Variants in STOX2 observed in about 807,000 individuals in gnomAD.
STOX2 encodes storkhead-box protein 2.
Under a neutral mutation model 60.9 loss-of-function variants are expected in STOX2, and 28 were observed. The observed-to-expected ratio is 0.46, with a 90% CI of 0.34 to 0.63. The LOEUF is 0.63. Ranked by LOEUF, STOX2 falls within the 30% of genes least tolerant of loss-of-function variation. The pLI, the probability that STOX2 is intolerant of heterozygous loss-of-function variation, is 0.01. For synonymous variants in STOX2, 472 were observed against 463.9 expected (o/e 1.02, Z -0.22); for missense variants, 1,024 against 1,187.7 (o/e 0.86, Z 2.03).
rs752683202 is a variant in STOX2 at position 184,009,128 on chromosome 4, C to T, written c.320-30C>T. The T allele has an allele frequency of 8.8e-6, 12 of 1,361,030 alleles. No homozygotes were observed. Among genetic ancestry groups the T allele is most frequent in the Non-Finnish European group, 1.2e-5 (12 of 1,009,350 alleles). 84.3% of individuals were successfully genotyped at this position (1,361,030 alleles called of 1,614,324 possible). A position where few individuals can be genotyped will look rare whatever the true frequency, so the allele number is the denominator to read the frequency against. ...AATCCACATGTTCTGTCTTCATTCTCACAAGTGGTTTTTTTTTTTTTTTTT... is the reference window on the plus strand; with the variant it reads ...AATCCACATGTTCTGTCTTCATTCTTACAAGTGGTTTTTTTTTTTTTTTTT... On this transcript the variant is annotated intron_variant, in intron 2 of 3. Coordinates refer to ENST00000308497, the MANE Select transcript of STOX2 (RefSeq NM_020225.3). This position sits in a 1 kb window ranked among gnomAD's most constrained non-coding sequence, Gnocchi z 4.0.
intron 1 of STOX2, among the ~76,000 whole-genome samples, chr4:183,878,644 A>T (rs574756369): frequency 1.3e-5 from 2 of 152,248 alleles, no homozygotes; most frequent in Non-Finnish European, 2.9e-5. Context: ...AATTTTCTGT[A>T]TAACGACCTC....
chr4:184,001,605 C>A lies in STOX2; in HGVS notation c.319+128C>A. 1.2e-6 allele frequency: 1 copy of A among 839,760 alleles called. No homozygotes were observed. Among genetic ancestry groups the A allele is most frequent in the Non-Finnish European group, 1.7e-6 (1 of 590,166 alleles). 52.0% of individuals were successfully genotyped at this position (839,760 alleles called of 1,614,324 possible). A position where few individuals can be genotyped will look rare whatever the true frequency, so the allele number is the denominator to read the frequency against. On this transcript the variant is annotated intron_variant, in intron 2 of 3. Transcript: ENST00000308497. The surrounding 1 kb of genome is among the most constrained non-coding windows in gnomAD (Gnocchi z 4.2). ...ATTCTTCCCCAAAACTGACCCGAAG[C>A]TTTCCTTACTTCTGTAATTAAAAAT...
intron 1 of STOX2, among the ~76,000 whole-genome samples, chr4:183,922,791 G>A (rs969924809): frequency 1.3e-5 from 2 of 151,880 alleles, no homozygotes; most frequent in Non-Finnish European, 2.9e-5. Context: ...ACTAACTCTC[G>A]GTCCTCCCTA....
chr4:183,963,385 G>A (rs1743467568), intron 1 of STOX2, among the ~76,000 whole-genome samples: 1 of 151,942 alleles, frequency 6.6e-6, no homozygotes, highest in African/African-American at 2.4e-5. Flanking sequence ...ACAACATGTT[G>A]AATGTTGCTT....
rs762090950 is a variant in STOX2 at position 183,971,580 on chromosome 4, C to T, written c.167-29745C>T. Among the ~76,000 whole-genome samples the T allele has an allele frequency of 4.9e-4, 74 of 152,192 alleles. 1 individual carries two copies. The highest frequency in any genetic ancestry group is 7.1e-4 in the Non-Finnish European group (48 of 68,034). ...AGAGGCCAGAACCACAAAAAGGAAG[C>T]TAACTTTGAGTCACCCATATCTGTC... On this transcript the variant is annotated intron_variant, in intron 1 of 3. Coordinates refer to ENST00000308497, the MANE Select transcript of STOX2 (RefSeq NM_020225.3).
At chr4:183,967,955 G>A (rs76786274) in intron 1 of STOX2, among the ~76,000 whole-genome samples, 36 of 152,264 alleles carry the variant, frequency 2.4e-4, no homozygotes, top group African/African-American at 8.4e-4. Context: ...ACACCGGATC[G>A]GTACACACTA....
At chr4:183,867,428 A>G (rs1740596834) in intron 1 of STOX2, among the ~76,000 whole-genome samples, 1 of 152,108 alleles carries the variant, frequency 6.6e-6, no homozygotes, top group African/African-American at 2.4e-5. Context: ...GACACAGCAG[A>G]TACGTTTCCT....
chr4:183,956,362 TTCTATCTATCTATCTATCTATCTATCTA>T (rs57987067), intron 1 of STOX2, among the ~76,000 whole-genome samples: 1 of 149,086 alleles, frequency 6.7e-6, no homozygotes, highest in Non-Finnish European at 1.5e-5. Flanking sequence ...GCTGCATTTG[TTCTATCTATCTATCTATCTATCTATCTA>T]TCTATCTATC....
At chr4:183,837,084 G>T (rs1739729555) in intron 1 of STOX2, among the ~76,000 whole-genome samples, 1 of 152,128 alleles carries the variant, frequency 6.6e-6, no homozygotes, top group African/African-American at 2.4e-5. Context: ...GGTGAGTGAA[G>T]ATTAGTAGCA....
chr4:183,947,487 C>A (rs981585302), intron 1 of STOX2, among the ~76,000 whole-genome samples: 1 of 152,150 alleles, frequency 6.6e-6, no homozygotes, highest in Non-Finnish European at 1.5e-5. Flanking sequence ...TGGTTCTACA[C>A]AGAACTCCAC....
In STOX2 at chr4:183,836,497, G is replaced by A. The variant is rs1354441345; in HGVS notation, c.364+38442G>A. Reference sequence around the variant, plus strand: ...ATGCTCCAGGCTGCTGCAATCTTAGGGCACGACTCTACTTTCTATGAATGT... The same window carrying A: ...ATGCTCCAGGCTGCTGCAATCTTAGAGCACGACTCTACTTTCTATGAATGT... On this transcript the variant is annotated intron_variant, in intron 1 of 2. Transcript: ENST00000513034. This position sits in a 1 kb window ranked among gnomAD's most constrained non-coding sequence, Gnocchi z 4.1. Among the ~76,000 whole-genome samples, 2 of 152,136 alleles carry A rather than the reference G, an allele frequency of 1.3e-5. No individual in the cohort carries two copies. Among genetic ancestry groups the A allele is most frequent in the Non-Finnish European group, 2.9e-5 (2 of 68,018 alleles).
At chr4:183,968,595 T>C (rs1743647978) in intron 1 of STOX2, among the ~76,000 whole-genome samples, 1 of 152,186 alleles carries the variant, frequency 6.6e-6, no homozygotes, top group Admixed American at 6.5e-5. Context: ...CCAGGACAGC[T>C]TGGGAGACAG....
intron 1 of STOX2, among the ~76,000 whole-genome samples, chr4:183,884,086 T>C (rs1383122381): frequency 6.6e-6 from 1 of 151,874 alleles, no homozygotes; most frequent in Non-Finnish European, 1.5e-5. Flanking sequence ...ACTTCTGACC[T>C]TAGGTGATCC....
intron 1 of STOX2, among the ~76,000 whole-genome samples, chr4:183,878,243 C>G (rs1276004268): frequency 2.6e-5 from 4 of 152,144 alleles, no homozygotes; most frequent in Non-Finnish European, 4.4e-5. Flanking sequence ...TTTTTAGATT[C>G]AGTGAACCTG....
At position 183,959,543 on chromosome 4, in the gene STOX2, C is replaced by T. The variant is rs192068111; in HGVS notation, c.167-41782C>T. 2.2e-3 allele frequency among the ~76,000 whole-genome samples: 337 copies of T among 152,288 alleles called. 2 individuals are homozygous for T. Among genetic ancestry groups the T allele is most frequent in the Non-Finnish European group, 2.9e-3 (195 of 68,024 alleles). On this transcript the variant is annotated intron_variant, in intron 1 of 3. Transcript: ENST00000308497. Reference sequence around the variant, plus strand: ...AACATGTGTCAGGTTTGCGGGCATGCTTTTTACCAGGAACCTCCTTTAATA... The same window carrying T: ...AACATGTGTCAGGTTTGCGGGCATGTTTTTTACCAGGAACCTCCTTTAATA...
intron 1 of STOX2, among the ~76,000 whole-genome samples, chr4:183,974,316 A>C (rs920773363): frequency 6.6e-6 from 1 of 152,204 alleles, no homozygotes; most frequent in Non-Finnish European, 1.5e-5. Flanking sequence ...GAAAAACAGG[A>C]ACAAAATGAG....
chr4:183,930,520 T>TG, intron 1 of STOX2, among the ~76,000 whole-genome samples: 1 of 135,570 alleles, frequency 7.4e-6, no homozygotes, highest in African/African-American at 3.3e-5. Context: ...TTGTTTTTTG[T>TG]TTTTTTTTTG....
chr4:183,838,106 C>G lies in STOX2; in HGVS notation c.364+40051C>G, dbSNP rs1739759792. Among the ~76,000 whole-genome samples, 4 of 151,054 alleles carry G rather than the reference C, an allele frequency of 2.6e-5. No homozygotes were observed. The South Asian group carries it at 8.4e-4, about 32-fold the overall frequency. On this transcript the variant is annotated intron_variant, in intron 1 of 2. Transcript: ENST00000513034. ...CGGTAAAAATATGTTAAATTTATCT[C>G]CTTTTTTCTCTTTAAATATTTCAAT...
chr4:183,906,335 CCTCGGCTG>C lies in STOX2; in HGVS notation c.-454_-447del, dbSNP rs1380254179. Reference sequence around the variant, plus strand: ...CCCGATCCCGGGTCAGCCCCGGAGGCCTCGGCTGCCTCATTTGTTTGGGTCTTTTGTGC... The same window carrying C: ...CCCGATCCCGGGTCAGCCCCGGAGGCCCTCATTTGTTTGGGTCTTTTGTGC... On this transcript the variant is annotated 5_prime_UTR_variant, in exon 1 of 4. Coordinates refer to ENST00000308497, the MANE Select transcript of STOX2 (RefSeq NM_020225.3). The C allele has an allele frequency of 2.0e-5, 3 of 152,938 alleles. No homozygotes were observed. The highest frequency in any genetic ancestry group is 2.9e-5 in the Non-Finnish European group (2 of 68,690). The allele number at this position is 152,938 out of a possible 1,614,324, so 9.5% of individuals were successfully genotyped here.
Sources: gnomAD v4.1 joint callset for allele counts (sites outside exome capture counted in the v4.1 genomes callset) on GRCh38, gnomAD v4.1.1 for gene constraint, Gnocchi (gnomAD v3.1) non-coding constraint, MANE v1.5 for transcripts, NCBI Gene and HGNC (gene_info 2026-07-23, HGNC 2026-07-21) for gene names.